Variants in PDE1C observed in about 807,000 individuals in gnomAD.
PDE1C encodes the protein dual specificity calcium/calmodulin-dependent 3',5'-cyclic nucleotide phosphodiesterase 1C.
Under a neutral mutation model 93.1 loss-of-function variants are expected in PDE1C, and 62 were observed. The observed-to-expected ratio is 0.67, with a 90% CI of 0.54 to 0.82. The LOEUF is 0.82. Among genes scored for constraint, PDE1C ranks in the 40% least tolerant of loss-of-function variants. The probability of loss-of-function intolerance (pLI) is 0.00; values close to 1 mark genes in which losing one functional copy is unlikely to be tolerated. For missense variants in PDE1C, 742 were observed against 884.6 expected, an observed-to-expected ratio of 0.84 and a Z score of 2.04; for synonymous variants, 325 against 310.1, an observed-to-expected ratio of 1.05 and a Z score of -0.50.
chr7:31,946,388 C>T (rs1806614142), intron 2 of PDE1C, among the ~76,000 whole-genome samples: 1 of 152,140 alleles, frequency 6.6e-6, no homozygotes, highest in South Asian at 2.1e-4. Context: ...GGGCATAAAA[C>T]CCCTCGTGGC....
At chr7:31,780,369 C>A (rs184733993) in intron 16 of PDE1C, among the ~76,000 whole-genome samples, 224 of 152,256 alleles carry the variant, frequency 1.5e-3, no homozygotes, top group African/African-American at 5.2e-3. Context: ...AAAGCTTAGA[C>A]CCAGTTTATG....
chr7:31,940,886 C>G (rs1270404873), intron 2 of PDE1C, among the ~76,000 whole-genome samples: 1 of 151,992 alleles, frequency 6.6e-6, no homozygotes, highest in Non-Finnish European at 1.5e-5. Context: ...ATCCTTGCCC[C>G]ATCTCCAGGT....
chr7:31,669,444 AG>A, the PDE1C span, among the ~76,000 whole-genome samples: 2 of 152,194 alleles, frequency 1.3e-5, no homozygotes, highest in Non-Finnish European at 2.9e-5. Context: ...GTATTTATAA[AG>A]GAAGTATTAT....
chr7:31,647,459 C>T, the PDE1C span, among the ~76,000 whole-genome samples: 7 of 149,332 alleles, frequency 4.7e-5, no homozygotes, highest in East Asian at 2.0e-4. Flanking sequence ...GTTAGGGCTT[C>T]GAGAACAGCC....
chr7:31,678,705 A>T, the PDE1C span, among the ~76,000 whole-genome samples: 1 of 152,168 alleles, frequency 6.6e-6, no homozygotes, highest in Non-Finnish European at 1.5e-5. Flanking sequence ...AAGAGATTAA[A>T]TTTTCTGAGG....
chr7:32,335,370 T>G (rs215648), intron 1 of PDE1C, among the ~76,000 whole-genome samples: 145,204 of 152,302 alleles, frequency 0.95, 69,411 homozygotes, highest in East Asian at 1. Flanking sequence ...TTGCTTAGAG[T>G]TCTCACCAAG....
chr7:31,977,411 A>G (rs558263784), intron 2 of PDE1C, among the ~76,000 whole-genome samples: 38 of 152,324 alleles, frequency 2.5e-4, no homozygotes, highest in East Asian at 1.5e-3. Context: ...CATTCTGTGT[A>G]ATTCTGTTAT....
At position 31,841,856 on chromosome 7, in the gene PDE1C, T is replaced by C. The variant is rs547590351; in HGVS notation, c.981-3885A>G. Among the ~76,000 whole-genome samples, 3 of 152,156 alleles carry C rather than the reference T, an allele frequency of 2.0e-5. No individual in the cohort carries two copies. The South Asian group carries it at 6.2e-4, about 32-fold the overall frequency. On this transcript the variant is annotated intron_variant, in intron 9 of 17. Coordinates refer to ENST00000396191, the MANE Select transcript of PDE1C (RefSeq NM_001191057.4). ...AAGTGGAGATCCAGGACACCCAATA[T>C]TGTACTTCCAACTTGAAGGCTGACA...
chr7:32,171,379 A>C (rs1802640194), intron 2 of PDE1C, among the ~76,000 whole-genome samples: 1 of 151,900 alleles, frequency 6.6e-6, no homozygotes, highest in South Asian at 2.1e-4. Flanking sequence ...CCATGGATTC[A>C]AACAACTAAA....
chr7:32,262,506 G>A (rs1406593370), intron 1 of PDE1C, among the ~76,000 whole-genome samples: 2 of 152,202 alleles, frequency 1.3e-5, no homozygotes, highest in African/African-American at 4.8e-5. Context: ...TCACAGGGGT[G>A]ACTGCAGGAG....
chr7:31,816,735 A>G (rs1313601434), intron 14 of PDE1C, among the ~76,000 whole-genome samples: 2 of 152,182 alleles, frequency 1.3e-5, no homozygotes, highest in South Asian at 2.1e-4. Flanking sequence ...CACTGAGGAC[A>G]CTGTTTGTTA....
intron 2 of PDE1C, among the ~76,000 whole-genome samples, chr7:31,923,651 A>T (rs963851067): frequency 2.6e-5 from 4 of 152,146 alleles, no homozygotes; most frequent in African/African-American, 9.7e-5. Flanking sequence ...AAGCTTAGAC[A>T]CTGAAAAGTT....
At chr7:31,802,356 C>A (rs189571470) in intron 16 of PDE1C, among the ~76,000 whole-genome samples, 1 of 151,392 alleles carries the variant, frequency 6.6e-6, no homozygotes, top group East Asian at 1.9e-4. Flanking sequence ...CCCATTTCTC[C>A]CCTACTGGAC....
At chr7:32,342,292 T>C (rs215673) in intron 1 of PDE1C, among the ~76,000 whole-genome samples, 148,784 of 152,300 alleles carry the variant, frequency 0.98, 72,773 homozygotes, top group East Asian at 1. Flanking sequence ...CAGAATTTTA[T>C]ATGTTCAATC....
chr7:31,696,850 G>A, the PDE1C span: 1 of 1,209,170 alleles, frequency 8.3e-7, no homozygotes, highest in Non-Finnish European at 1.1e-6. Context: ...ATTAAAGTAA[G>A]TTTGGAAAGC....
chr7:31,641,535 C>G, the PDE1C span, among the ~76,000 whole-genome samples: 1 of 152,144 alleles, frequency 6.6e-6, no homozygotes, highest in African/African-American at 2.4e-5. Context: ...CCAACTATTT[C>G]CCCCACAATA....
At chr7:32,024,399 A>ATGTG (rs143690061) in intron 2 of PDE1C, among the ~76,000 whole-genome samples, 3,802 of 149,174 alleles carry the variant, frequency 0.025, 175 homozygotes, top group African/African-American at 0.088. Flanking sequence ...CAATATACAT[A>ATGTG]TGTGTGTGTG....
intron 12 of PDE1C, 108 bp from the exon 13 acceptor site, chr7:31,825,095 G>A (rs547225357): frequency 7.1e-7 from 1 of 1,406,704 alleles, no homozygotes; most frequent in African/African-American, 1.4e-5. Context: ...AAAAGAGAAT[G>A]GCTTGATCTT....
chr7:31,983,846 T>C (rs1243890350), intron 2 of PDE1C, among the ~76,000 whole-genome samples: 1 of 152,160 alleles, frequency 6.6e-6, no homozygotes, highest in Admixed American at 6.5e-5. Flanking sequence ...GACGGCAACA[T>C]GAGAGCATCA....
Sources: gnomAD v4.1 joint callset for allele counts (sites outside exome capture counted in the v4.1 genomes callset) on GRCh38, gnomAD v4.1.1 for gene constraint, MANE v1.5 for transcripts, NCBI Gene and HGNC (gene_info 2026-07-23, HGNC 2026-07-21) for gene names.